The following PCDHA9 variants were observed in gnomAD, a reference collection of about 807,000 sequenced individuals.
PCDHA9 encodes protocadherin alpha-9.
PCDHA9 carries 62 observed loss-of-function variants against 62.0 expected under a neutral mutation model. The ratio of observed to expected loss-of-function variants is 1.00; its 90% confidence interval spans 0.81 to 1.23. The LOEUF is 1.23. Ranked by LOEUF, PCDHA9 falls within the 50% of genes most tolerant of loss-of-function variation. The pLI, the probability that PCDHA9 is intolerant of heterozygous loss-of-function variation, is 0.00. For missense variants in PCDHA9, 1,205 were observed against 1,249.8 expected (o/e 0.96, Z 0.54); for synonymous variants, 557 against 567.6 (o/e 0.98, Z 0.27).
chr5:140,963,207 CCT>C (rs1246984290), intron 1 of PCDHA9, among the ~76,000 whole-genome samples: 4 of 148,438 alleles, frequency 2.7e-5, no homozygotes, highest in East Asian at 1.9e-4. Flanking sequence ...AAAAAAAAAA[CCT>C]CGTGTTTAGA....
At chr5:140,883,349 GA>G in intron 1 of PCDHA9, 1 of 1,614,142 alleles carries the variant, frequency 6.2e-7, no homozygotes, top group Non-Finnish European at 8.5e-7. Flanking sequence ...CCCCATCAGA[GA>G]AGACACTCAG....
chr5:140,884,457 G>A, intron 1 of PCDHA9: 1 of 1,613,758 alleles, frequency 6.2e-7, no homozygotes, highest in Non-Finnish European at 8.5e-7. Flanking sequence ...CCCACCGAGG[G>A]CGCGTGCGCG....
intron 1 of PCDHA9, among the ~76,000 whole-genome samples, chr5:140,976,377 C>T (rs1472568038): frequency 2.0e-5 from 3 of 151,896 alleles, no homozygotes; most frequent in Admixed American, 6.6e-5. Flanking sequence ...ATGGTGAAAC[C>T]CCATCTCTAC....
intron 1 of PCDHA9, among the ~76,000 whole-genome samples, chr5:140,955,031 A>C (rs782110698): frequency 6.6e-6 from 1 of 152,166 alleles, no homozygotes; most frequent in Non-Finnish European, 1.5e-5. Flanking sequence ...TAAATAGGGA[A>C]TCTTTTCCTC....
chr5:140,928,057 G>A, intron 1 of PCDHA9: 1 of 1,614,178 alleles, frequency 6.2e-7, no homozygotes. Context: ...TCAGCTGACG[G>A]CTTCCTTTGA....
intron 1 of PCDHA9, chr5:140,870,409 G>A (rs2051982376): frequency 1.9e-6 from 3 of 1,614,226 alleles, no homozygotes; most frequent in African/African-American, 1.3e-5. Context: ...TTCTCTGTGG[G>A]CCACGGCCAG....
intron 1 of PCDHA9, chr5:140,875,473 A>T: frequency 1.2e-6 from 2 of 1,606,460 alleles, no homozygotes; most frequent in Non-Finnish European, 1.7e-6. Flanking sequence ...ATTTTCTGCA[A>T]TGGTGATTAT....
At chr5:140,926,155 T>TGCAGCAGGATCCAGCGCGGAAAGCCCC (rs1563077309) in intron 1 of PCDHA9, among the ~76,000 whole-genome samples, 3 of 152,076 alleles carry the variant, frequency 2.0e-5, no homozygotes, top group African/African-American at 4.8e-5. Context: ...CGGAAAGCTC[T>TGCAGCAGGATCCAGCGCGGAAAGCCCC]GCAGCAGGAT....
intron 1 of PCDHA9, chr5:140,966,660 A>G: frequency 8.2e-7 from 1 of 1,217,300 alleles, no homozygotes; most frequent in Non-Finnish European, 1.1e-6. Context: ...GCGGTGGGGG[A>G]GCAGGCGCAG....
intron 1 of PCDHA9, chr5:140,968,409 C>G: frequency 3.7e-6 from 6 of 1,614,024 alleles, no homozygotes; most frequent in South Asian, 1.1e-5. Context: ...TTCTTTGTGA[C>G]TGTGGAGGCT....
chr5:140,899,981 G>T (rs929559514), intron 1 of PCDHA9, among the ~76,000 whole-genome samples: 3 of 151,734 alleles, frequency 2.0e-5, no homozygotes, highest in African/African-American at 7.3e-5. Flanking sequence ...CTACTTTTTT[G>T]ATTTTTTTTG....
chr5:140,922,527 C>T (rs1436336713), intron 1 of PCDHA9, among the ~76,000 whole-genome samples: 2 of 152,130 alleles, frequency 1.3e-5, no homozygotes, highest in East Asian at 3.9e-4. Flanking sequence ...AAGATTGAAC[C>T]TAAGGATGTG....
chr5:140,966,183 C>T (rs1399845859), intron 1 of PCDHA9: 1 of 195,556 alleles, frequency 5.1e-6, no homozygotes, highest in African/African-American at 2.3e-5. Flanking sequence ...AGCTGATAGC[C>T]AGACTTCTAG....
At chr5:140,863,655 G>T in intron 1 of PCDHA9, 1 of 295,936 alleles carries the variant, frequency 3.4e-6, no homozygotes, top group Non-Finnish European at 6.6e-6. Context: ...TAATTTGATT[G>T]CTTTATTTAT....
At chr5:140,928,041 C>T (rs2084880685) in intron 1 of PCDHA9, 3 of 1,613,398 alleles carry the variant, frequency 1.9e-6, no homozygotes, top group Non-Finnish European at 2.5e-6. Context: ...CTAGTGCAGG[C>T]CCTTTTCAGC....
At chr5:140,993,462 T>TCACA (rs3836747) in intron 3 of PCDHA9, among the ~76,000 whole-genome samples, 8,584 of 140,952 alleles carry the variant, frequency 0.061, 300 homozygotes, top group Admixed American at 0.12. Flanking sequence ...TCTTTCTTTC[T>TCACA]CACACACACA....
At chr5:140,884,267 T>C in intron 1 of PCDHA9, 3 of 1,613,566 alleles carry the variant, frequency 1.9e-6, no homozygotes, top group South Asian at 1.1e-5. Context: ...AACGGTGCTG[T>C]TGTCGCTGGT....
chr5:140,941,191 TTTTCTTTCTTCCTTTCTTTCTTCC>T (rs1293685535), intron 1 of PCDHA9, among the ~76,000 whole-genome samples: 31 of 93,206 alleles, frequency 3.3e-4, no homozygotes, highest in African/African-American at 1.1e-3. Context: ...GCTTCTTTTT[TTTTCTTTCTTCCTTTCTTTCTTCC>T]TTTCTTTCTT....
At chr5:140,991,563 C>T (rs577838155) in intron 3 of PCDHA9, among the ~76,000 whole-genome samples, 4 of 152,288 alleles carry the variant, frequency 2.6e-5, no homozygotes, top group South Asian at 4.1e-4. Context: ...CCTTTAGTTT[C>T]CAATAACAGG....
Sources: allele counts gnomAD v4.1 joint callset (sites outside exome capture counted in the v4.1 genomes callset), GRCh38; gene constraint gnomAD v4.1.1; transcripts MANE v1.5; gene names NCBI Gene and HGNC (gene_info 2026-07-23, HGNC 2026-07-21).